The following DPP10 variants were observed in gnomAD, a reference collection of about 807,000 sequenced individuals.
DPP10 encodes the protein dipeptidyl peptidase like 10.
DPP10 carries 33 observed loss-of-function variants against 120.9 expected under a neutral mutation model. That is an observed-to-expected ratio of 0.27 (90% confidence interval 0.21 to 0.37). DPP10 has a LOEUF of 0.37. DPP10 is among the 10% of genes least tolerant of loss of function. The probability of loss-of-function intolerance (pLI) is 1.00; values close to 1 mark genes in which losing one functional copy is unlikely to be tolerated. For synonymous variants in DPP10, 337 were observed against 326.1 expected (o/e 1.03, Z -0.36); for missense variants, 816 against 942.8 (o/e 0.87, Z 1.76).
At chr2:114,500,222 T>G (rs994024560) in intron 1 of DPP10, among the ~76,000 whole-genome samples, 8 of 152,200 alleles carry the variant, frequency 5.3e-5, no homozygotes, top group Admixed American at 2.6e-4. Context: ...ATGGATTGAT[T>G]CCATTGACTA....
chr2:115,415,875 A>ATATATATATG (rs1221606221), intron 3 of DPP10, among the ~76,000 whole-genome samples: 7 of 137,166 alleles, frequency 5.1e-5, no homozygotes, highest in Non-Finnish European at 1.6e-5. Context: ...ATATATATAT[A>ATATATATATG]TGCACACACA....
At chr2:114,658,265 C>A (rs559804399) in intron 1 of DPP10, among the ~76,000 whole-genome samples, 1 of 152,202 alleles carries the variant, frequency 6.6e-6, no homozygotes, top group South Asian at 2.1e-4. Flanking sequence ...GGATATTTGA[C>A]AATTTGACAT....
chr2:115,100,309 C>T (rs1216992432), intron 1 of DPP10, among the ~76,000 whole-genome samples: 2 of 152,068 alleles, frequency 1.3e-5, no homozygotes, highest in Non-Finnish European at 2.9e-5. Context: ...ATTGGCCATG[C>T]ATGGTGGCAC....
At chr2:114,908,059 T>G (rs1694103888) in intron 1 of DPP10, among the ~76,000 whole-genome samples, 1 of 152,026 alleles carries the variant, frequency 6.6e-6, no homozygotes, top group Non-Finnish European at 1.5e-5. Flanking sequence ...AACTATTGCT[T>G]TGTATCTCTG....
chr2:114,973,193 C>T (rs548477869), intron 1 of DPP10, among the ~76,000 whole-genome samples: 3 of 152,044 alleles, frequency 2.0e-5, no homozygotes, highest in Admixed American at 6.6e-5. Context: ...ATGAATTTCT[C>T]GTGTGAGTGA....
chr2:114,534,882 C>T (rs961823837), intron 1 of DPP10, among the ~76,000 whole-genome samples: 2 of 152,176 alleles, frequency 1.3e-5, no homozygotes, highest in Non-Finnish European at 2.9e-5. Flanking sequence ...TGGTTCCAAA[C>T]ATGACTGGGA....
chr2:115,162,380 TGAA>T (rs1285125144), intron 1 of DPP10: 1 of 1,333,024 alleles, frequency 7.5e-7, no homozygotes, highest in East Asian at 3.0e-5. Flanking sequence ...TAACGCACGC[TGAA>T]GAAATCTGCT....
At chr2:115,336,169 T>C (rs2063117682) in intron 2 of DPP10, among the ~76,000 whole-genome samples, 1 of 151,930 alleles carries the variant, frequency 6.6e-6, no homozygotes, top group Non-Finnish European at 1.5e-5. Context: ...TCTAAGATTA[T>C]GCAGCCAACT....
intron 1 of DPP10, among the ~76,000 whole-genome samples, chr2:115,210,072 CAGGTTTGCTACGT>C (rs2056405105): frequency 6.6e-6 from 1 of 151,970 alleles, no homozygotes; most frequent in Non-Finnish European, 1.5e-5. Context: ...ACACAACGTA[CAGGTTTGCTACGT>C]ATGTATACAT....
chr2:115,338,253 C>T (rs1451452847), intron 2 of DPP10, among the ~76,000 whole-genome samples: 1 of 151,738 alleles, frequency 6.6e-6, no homozygotes, highest in Non-Finnish European at 1.5e-5. Flanking sequence ...ATTCAACGTG[C>T]TTGGTTGGAT....
At chr2:114,920,683 A>G (rs918257679) in intron 1 of DPP10, among the ~76,000 whole-genome samples, 2 of 152,170 alleles carry the variant, frequency 1.3e-5, no homozygotes, top group African/African-American at 2.4e-5. Flanking sequence ...ATGAAAACTT[A>G]CTGTTATGCC....
chr2:114,886,004 AGCTGT>A (rs1692036496), intron 1 of DPP10, among the ~76,000 whole-genome samples: 1 of 152,192 alleles, frequency 6.6e-6, no homozygotes, highest in Non-Finnish European at 1.5e-5. Context: ...AATAAGGTGG[AGCTGT>A]TATCATTAAT....
At chr2:115,045,969 G>A (rs1705033856) in intron 1 of DPP10, among the ~76,000 whole-genome samples, 1 of 151,362 alleles carries the variant, frequency 6.6e-6, no homozygotes, top group African/African-American at 2.4e-5. Context: ...GTTTGCATAA[G>A]AGAGCCATTT....
At chr2:114,745,790 G>C (rs1241120328) in intron 1 of DPP10, among the ~76,000 whole-genome samples, 1 of 152,170 alleles carries the variant, frequency 6.6e-6, no homozygotes, top group South Asian at 2.1e-4. Context: ...AATATCACAA[G>C]AACTGGCAAA....
chr2:114,816,350 T>C (rs563083068), intron 1 of DPP10, among the ~76,000 whole-genome samples: 3 of 152,314 alleles, frequency 2.0e-5, no homozygotes, highest in Admixed American at 6.5e-5. Flanking sequence ...AGGCAATACA[T>C]AAACAAATGA....
chr2:114,798,819 C>T (rs1048253771), intron 1 of DPP10, among the ~76,000 whole-genome samples: 4 of 151,880 alleles, frequency 2.6e-5, no homozygotes, highest in African/African-American at 7.3e-5. Context: ...CTTAAATTTA[C>T]AAAAAAATAA....
chr2:115,621,416 C>T (rs1208504547), intron 5 of DPP10, among the ~76,000 whole-genome samples: 2 of 152,160 alleles, frequency 1.3e-5, no homozygotes. Context: ...TTGTGATACA[C>T]AGTTGACACA....
At chr2:114,975,693 CAGGCTGG>C (rs1449730390) in intron 1 of DPP10, among the ~76,000 whole-genome samples, 1 of 152,152 alleles carries the variant, frequency 6.6e-6, no homozygotes, top group Non-Finnish European at 1.5e-5. Context: ...CTCTGTCACA[CAGGCTGG>C]AGTGCAGTGG....
At chr2:115,302,715 C>G (rs1283670845) in intron 1 of DPP10, among the ~76,000 whole-genome samples, 1 of 152,058 alleles carries the variant, frequency 6.6e-6, no homozygotes, top group East Asian at 1.9e-4. Context: ...TGCCTTTGTA[C>G]CATAGCTCAG....
Sources: gnomAD v4.1 joint callset for allele counts (sites outside exome capture counted in the v4.1 genomes callset) on GRCh38, gnomAD v4.1.1 for gene constraint, MANE v1.5 for transcripts, NCBI Gene and HGNC (gene_info 2026-07-23, HGNC 2026-07-21) for gene names.